Variants in TENM2 observed in about 807,000 individuals in gnomAD.
TENM2 encodes teneurin transmembrane protein 2.
In TENM2, 52 loss-of-function variants were observed where a neutral mutation model predicts 245.2. The ratio of observed to expected loss-of-function variants is 0.21; its 90% CI spans 0.17 to 0.27. TENM2 has a LOEUF of 0.27. Among genes scored for constraint, TENM2 ranks in the 10% least tolerant of loss-of-function variants. The pLI, the probability that TENM2 is intolerant of heterozygous loss-of-function variation, is 1.00. For missense variants in TENM2, 3,046 were observed against 3,666.8 expected (o/e 0.83, Z 4.37); for synonymous variants, 1,363 against 1,438.9 (o/e 0.95, Z 1.19).
At chr5:167,284,748 T>A, upstream of TENM2, 1 of 955,986 alleles carries the variant, frequency 1.0e-6, no homozygotes, top group East Asian at 2.6e-5. Flanking sequence ...TTGGGTTTTT[T>A]CTTCTATGTT....
chr5:168,215,286 A>G lies in TENM2; in HGVS notation c.4078+14A>G, dbSNP rs987829630. On this transcript the variant is annotated intron_variant, in intron 21 of 28. Coordinates refer to ENST00000518659, the Ensembl canonical transcript of TENM2. The stretch of plus-strand genomic sequence containing the variant: ...TGAGCCCGAGAGGTAAAGGACATCA[A>G]GGAAGAGTCTCCCGCCCCAGATAAA... 6.2e-7 allele frequency: 1 copy of G among 1,604,300 alleles called. No individual in the cohort carries two copies. Among genetic ancestry groups the G allele is most frequent in the Non-Finnish European group, 8.5e-7 (1 of 1,171,150 alleles).
chr5:168,010,284 A>G (rs1251262638), intron 5 of TENM2, among the ~76,000 whole-genome samples: 1 of 152,184 alleles, frequency 6.6e-6, no homozygotes, highest in African/African-American at 2.4e-5. Flanking sequence ...TTAAAATATA[A>G]AGGAAACCTG....
intron 2 of TENM2, among the ~76,000 whole-genome samples, chr5:167,812,837 G>T (rs745649483): frequency 3.9e-5 from 6 of 152,202 alleles, no homozygotes; most frequent in Non-Finnish European, 8.8e-5. Context: ...AGTGGAGAGG[G>T]ACAGAAGAGA....
rs1174349867 is a variant in TENM2, at chr5:167,631,381, G to T, written c.503-244605G>T. Among the ~76,000 whole-genome samples, 3 of 152,162 alleles carry T rather than the reference G, an allele frequency of 2.0e-5. No individual in the cohort carries two copies. The East Asian group carries it at 5.8e-4, about 29-fold the overall frequency. The stretch of plus-strand genomic sequence containing the variant: ...TTGGTGCCAGCCATATAAAGACCTG[G>T]AGTGTTCTCGGCAGAGAAAATAGCT... On this transcript the variant is annotated intron_variant, in intron 2 of 28. Coordinates refer to ENST00000518659, the Ensembl canonical transcript of TENM2.
At chr5:167,240,634 C>T in the TENM2 span, among the ~76,000 whole-genome samples, 9 of 120,768 alleles carry the variant, frequency 7.5e-5, no homozygotes, top group African/African-American at 3.4e-4. Flanking sequence ...CCTTTTCCAA[C>T]GTCTTTTCAC....
At chr5:167,987,437 C>T (rs1003733187) in intron 4 of TENM2, among the ~76,000 whole-genome samples, 22 of 151,916 alleles carry the variant, frequency 1.4e-4, no homozygotes, top group Admixed American at 1.3e-3. Flanking sequence ...AAGTGATTCT[C>T]CTGCCTCTGC....
At chr5:167,839,817 A>AG (rs202189397) in intron 2 of TENM2, among the ~76,000 whole-genome samples, 2,484 of 152,298 alleles carry the variant, frequency 0.016, 28 homozygotes, top group Non-Finnish European at 0.026. Context: ...CTAATTCACA[A>AG]GCTTTCCTCT....
At chr5:168,007,132 C>T (rs1175834856) in intron 5 of TENM2, among the ~76,000 whole-genome samples, 2 of 146,832 alleles carry the variant, frequency 1.4e-5, no homozygotes, top group African/African-American at 5.0e-5. Context: ...CTTTTTCTTT[C>T]TTTTTTTTTT....
chr5:167,467,959 G>A (rs1398840043), intron 2 of TENM2, among the ~76,000 whole-genome samples: 3 of 152,038 alleles, frequency 2.0e-5, no homozygotes, highest in Non-Finnish European at 2.9e-5. Flanking sequence ...TTTTTGAGAC[G>A]AAGTTTCGCT....
At chr5:167,370,171 T>C (rs1760319443) in intron 1 of TENM2, among the ~76,000 whole-genome samples, 1 of 151,638 alleles carries the variant, frequency 6.6e-6, no homozygotes, top group Non-Finnish European at 1.5e-5. Flanking sequence ...TGAAACCCCG[T>C]CTCTACTAAA....
chr5:167,189,134 T>G, the TENM2 span, among the ~76,000 whole-genome samples: 1 of 152,150 alleles, frequency 6.6e-6, no homozygotes, highest in African/African-American at 2.4e-5. Flanking sequence ...TTCTACAGTT[T>G]GAGATGGAAG....
chr5:167,231,211 C>T, the TENM2 span, among the ~76,000 whole-genome samples: 3 of 152,146 alleles, frequency 2.0e-5, no homozygotes, highest in Non-Finnish European at 4.4e-5. Context: ...GGGACTGGAG[C>T]ACTGCAGCAA....
chr5:167,308,926 C>T (rs1257342037), intron 1 of TENM2, among the ~76,000 whole-genome samples: 2 of 152,052 alleles, frequency 1.3e-5, no homozygotes, highest in Non-Finnish European at 2.9e-5. Context: ...CATTCCTGCT[C>T]AGAGCTCAGA....
intron 2 of TENM2, among the ~76,000 whole-genome samples, chr5:167,596,657 G>A (rs995137968): frequency 6.6e-5 from 10 of 152,036 alleles, no homozygotes; most frequent in African/African-American, 2.2e-4. Flanking sequence ...TTAGCTGGGC[G>A]TGGTGGCAGG....
chr5:167,975,018 C>T (rs984558370), intron 4 of TENM2, among the ~76,000 whole-genome samples: 2 of 152,226 alleles, frequency 1.3e-5, no homozygotes, highest in Non-Finnish European at 2.9e-5. Flanking sequence ...GGCAGCCTCC[C>T]CACTACCAGA....
At chr5:167,783,384 G>T (rs1393824688) in intron 2 of TENM2, among the ~76,000 whole-genome samples, 1 of 151,990 alleles carries the variant, frequency 6.6e-6, no homozygotes, top group Non-Finnish European at 1.5e-5. Context: ...GATGCTGCAG[G>T]GCAGACCCAC....
At chr5:167,485,103 C>T (rs375202507) in intron 2 of TENM2, among the ~76,000 whole-genome samples, 45 of 152,238 alleles carry the variant, frequency 3.0e-4, no homozygotes, top group Admixed American at 2.2e-3. Context: ...TTCATCCAGC[C>T]GGTGGCCCTA....
At chr5:167,148,025 T>C in the TENM2 span, among the ~76,000 whole-genome samples, 1 of 152,160 alleles carries the variant, frequency 6.6e-6, no homozygotes, top group African/African-American at 2.4e-5. Context: ...TAGATTCCTA[T>C]AACATGAAGA....
intron 2 of TENM2, among the ~76,000 whole-genome samples, chr5:167,817,513 T>A (rs1334192266): frequency 6.6e-6 from 1 of 152,214 alleles, no homozygotes; most frequent in Non-Finnish European, 1.5e-5. Context: ...AGTATTGCTT[T>A]TCTTACTCAA....
Sources: allele counts gnomAD v4.1 joint callset (sites outside exome capture counted in the v4.1 genomes callset), GRCh38; gene constraint gnomAD v4.1.1; transcripts MANE v1.5; gene names NCBI Gene and HGNC (gene_info 2026-07-23, HGNC 2026-07-21).